The following CDH23 variants were observed in gnomAD, a reference collection of about 807,000 sequenced individuals.
CDH23 encodes cadherin related 23.
Under a neutral mutation model 317.1 loss-of-function variants are expected in CDH23, and 189 were observed. The ratio of observed to expected loss-of-function variants is 0.60; its 90% CI spans 0.53 to 0.67. The LOEUF (loss-of-function observed/expected upper bound fraction) is 0.67, where lower values mean the gene tolerates loss of function less well. Among genes scored for constraint, CDH23 ranks in the 30% least tolerant of loss-of-function variants. CDH23 has a pLI of 0.00. For missense variants in CDH23, 4,401 were observed against 4,592.4 expected, an observed-to-expected ratio of 0.96 and a Z score of 1.20; for synonymous variants, 1,839 against 1,876.8, an observed-to-expected ratio of 0.98 and a Z score of 0.52.
At chr10:71,576,919 C>A (rs1282001784) in intron 8 of CDH23, among the ~76,000 whole-genome samples, 1 of 152,164 alleles carries the variant, frequency 6.6e-6, no homozygotes, top group South Asian at 2.1e-4. Context: ...CAGTTGTATG[C>A]CAGGATCTCT....
chr10:71,599,906 C>G (rs1387930972), intron 9 of CDH23, among the ~76,000 whole-genome samples: 1 of 151,604 alleles, frequency 6.6e-6, no homozygotes, highest in Non-Finnish European at 1.5e-5. Context: ...ACCTCTGACA[C>G]TTGACACATC....
At chr10:71,550,584 A>AG (rs1856535194) in intron 6 of CDH23, among the ~76,000 whole-genome samples, 1 of 150,270 alleles carries the variant, frequency 6.7e-6, no homozygotes, top group African/African-American at 2.4e-5. Context: ...AAAAGAAAAA[A>AG]GAAAAAGAAA....
intron 3 of CDH23, among the ~76,000 whole-genome samples, chr10:71,488,509 C>T (rs1011814476): frequency 3.3e-5 from 5 of 152,208 alleles, no homozygotes; most frequent in East Asian, 1.9e-4. Flanking sequence ...CCCTCCAAAC[C>T]GATAGTATAC....
chr10:71,539,521 A>G (rs185129859), intron 6 of CDH23, among the ~76,000 whole-genome samples: 1 of 151,940 alleles, frequency 6.6e-6, no homozygotes, highest in Admixed American at 6.6e-5. Context: ...AGCCTGATGA[A>G]CTAAATGATG....
Position 71,807,334 on chromosome 10 carries a change from C to CTG in CDH23, c.8237_8238insGT (p.Val2747SerfsTer5). On this transcript the variant is annotated frameshift_variant, in exon 58 of 70. Transcript: ENST00000224721. LOFTEE classifies it high-confidence loss of function. The stretch of plus-strand genomic sequence containing the variant: ...GCCTGAGCACTCACCACGCGGCACC[C>CTG]TCGTGGGCAACGTGACAGGCGCAGT... 1 of 1,613,930 alleles carries CTG rather than the reference C, an allele frequency of 6.2e-7. No individual in the cohort carries two copies. The highest frequency in any genetic ancestry group is 8.5e-7 in the Non-Finnish European group (1 of 1,179,838).
intron 9 of CDH23, among the ~76,000 whole-genome samples, chr10:71,606,919 ACT>A (rs1320294257): frequency 6.6e-6 from 1 of 151,852 alleles, no homozygotes; most frequent in Non-Finnish European, 1.5e-5. Flanking sequence ...GCGGCAGCAG[ACT>A]CTCGGCAGGC....
At chr10:71,431,516 G>T (rs1316602971) in intron 1 of CDH23, among the ~76,000 whole-genome samples, 1 of 152,222 alleles carries the variant, frequency 6.6e-6, no homozygotes, top group African/African-American at 2.4e-5. Context: ...TCATCTGCAG[G>T]CGCCTTCTTG....
chr10:71,529,324 G>A (rs1299764316), intron 6 of CDH23, among the ~76,000 whole-genome samples: 1 of 152,098 alleles, frequency 6.6e-6, no homozygotes, highest in African/African-American at 2.4e-5. Context: ...ACCCACCCAG[G>A]GTGGCAACAG....
intron 9 of CDH23, among the ~76,000 whole-genome samples, chr10:71,611,846 G>A (rs1223105289): frequency 2.0e-5 from 3 of 152,172 alleles, no homozygotes; most frequent in Non-Finnish European, 4.4e-5. Context: ...TGAGACTGAA[G>A]GCATCAACCT....
At chr10:71,690,423 C>T (rs761625621) in intron 19 of CDH23, 45 bp from the exon 20 acceptor site, 3 of 1,441,662 alleles carry the variant, frequency 2.1e-6, no homozygotes, top group South Asian at 1.2e-5. Context: ...AGCCAGGGGC[C>T]CAGGGTGAGC....
chr10:71,802,551 AGG>A (rs1164904674), intron 53 of CDH23, among the ~76,000 whole-genome samples: 1 of 152,176 alleles, frequency 6.6e-6, no homozygotes, highest in Admixed American at 6.5e-5. Flanking sequence ...CCAGATTTAT[AGG>A]GCCCTGTGGG....
chr10:71,471,715 G>T (rs902233650), intron 3 of CDH23, among the ~76,000 whole-genome samples: 1 of 152,014 alleles, frequency 6.6e-6, no homozygotes, highest in Non-Finnish European at 1.5e-5. Flanking sequence ...CTGACCCCAG[G>T]GCCTTGTTCC....
At chr10:71,576,624 G>A (rs1206865355) in intron 8 of CDH23, among the ~76,000 whole-genome samples, 1 of 152,168 alleles carries the variant, frequency 6.6e-6, no homozygotes, top group African/African-American at 2.4e-5. Flanking sequence ...TCCCTAGGGG[G>A]TGGGGACAGG....
At chr10:71,676,066 C>A (rs1445424550) in intron 15 of CDH23, among the ~76,000 whole-genome samples, 19 of 151,806 alleles carry the variant, frequency 1.3e-4, no homozygotes. Context: ...CACCAGCACA[C>A]CTGGCTAATT....
intron 11 of CDH23, among the ~76,000 whole-genome samples, chr10:71,642,907 C>T (rs1297358900): frequency 6.6e-6 from 1 of 152,226 alleles, no homozygotes; most frequent in African/African-American, 2.4e-5. Flanking sequence ...TCTTCACCAC[C>T]TGAGGCATGG....
intron 9 of CDH23, among the ~76,000 whole-genome samples, chr10:71,592,278 C>T (rs1024086870): frequency 3.7e-4 from 57 of 152,292 alleles, no homozygotes; most frequent in East Asian, 1.4e-3. Context: ...GAACTAGGAA[C>T]GAAGCTTGGA....
At chr10:71,626,740 G>C (rs186996531) in intron 11 of CDH23, among the ~76,000 whole-genome samples, 3 of 152,194 alleles carry the variant, frequency 2.0e-5, no homozygotes, top group African/African-American at 7.2e-5. Flanking sequence ...TGTAGGGTTC[G>C]TACTCTCGGA....
At position 71,643,880 on chromosome 10, in the gene CDH23, T is replaced by C. The variant is rs376753769; in HGVS notation, c.1140+14T>C. ...TGACAGAATTTGGTAAGTGAGCCTCTGAAGGGCAGGGGTTGGGCTTGGGGA... is the reference window on the plus strand; with the variant it reads ...TGACAGAATTTGGTAAGTGAGCCTCCGAAGGGCAGGGGTTGGGCTTGGGGA... On this transcript the variant is annotated intron_variant, in intron 12 of 69. Coordinates refer to ENST00000224721, the MANE Select transcript of CDH23 (RefSeq NM_022124.6). The C allele has an allele frequency of 3.0e-4, 230 of 766,128 alleles. No individual in the cohort carries two copies. The African/African-American group carries it at 3.6e-3, about 12-fold the overall frequency. The allele number at this position is 766,128 out of a possible 1,614,324, so 47.5% of individuals were successfully genotyped here.
At chr10:71,690,667 G>C in intron 20 of CDH23, 83 bp downstream of exon 20, 3 of 911,680 alleles carry the variant, frequency 3.3e-6, no homozygotes, top group Non-Finnish European at 5.3e-6. Flanking sequence ...CAGCCTCTGG[G>C]CCCAGGTCCC....
Sources: allele counts gnomAD v4.1 joint callset (sites outside exome capture counted in the v4.1 genomes callset), GRCh38; gene constraint gnomAD v4.1.1; transcripts MANE v1.5; gene names NCBI Gene and HGNC (gene_info 2026-07-23, HGNC 2026-07-21).